The following PODXL variants were observed in gnomAD, a reference collection of about 807,000 sequenced individuals.
PODXL encodes podocalyxin.
In PODXL, 20 loss-of-function variants were observed where a neutral mutation model predicts 48.9. The ratio of observed to expected loss-of-function variants is 0.41; its 90% CI spans 0.29 to 0.59. The LOEUF (loss-of-function observed/expected upper bound fraction) is 0.59, where lower values mean the gene tolerates loss of function less well. Ranked by LOEUF, PODXL falls within the 20% of genes least tolerant of loss-of-function variation. PODXL has a pLI of 0.31. For synonymous variants in PODXL, 295 were observed against 287.4 expected, an observed-to-expected ratio of 1.03 and a Z score of -0.27; for missense variants, 606 against 675.1, an observed-to-expected ratio of 0.90 and a Z score of 1.13.
intron 1 of PODXL, among the ~76,000 whole-genome samples, chr7:131,541,056 G>A (rs1019581120): frequency 5.9e-5 from 9 of 152,208 alleles, no homozygotes; most frequent in South Asian, 4.1e-4. Flanking sequence ...AATAACACCT[G>A]TGTCCTTCTT....
intron 1 of PODXL, among the ~76,000 whole-genome samples, chr7:131,533,328 C>T (rs1798314390): frequency 6.6e-6 from 1 of 152,180 alleles, no homozygotes; most frequent in Non-Finnish European, 1.5e-5. Flanking sequence ...GTCGTCAGGC[C>T]TGCCTCTCAG....
intron 1 of PODXL, among the ~76,000 whole-genome samples, chr7:131,528,129 C>CA (rs1798216409): frequency 6.6e-6 from 1 of 152,084 alleles, no homozygotes; most frequent in Admixed American, 6.6e-5. Context: ...CTCCTGACCT[C>CA]AAGTGATCTA....
At position 131,506,589 on chromosome 7, in the gene PODXL, G is replaced by T; in HGVS notation, c.1239C>A (p.Ile413=). The change falls in exon 6 of 9, where the codon ATC becomes ATA. Residue 413 remains isoleucine, a synonymous_variant. Transcript: ENST00000378555. ...PGSQTVVVKE[I]TIHTKLPAKD... ...TTGCCCTCCACTCACTGTGAATAGTGATTTCTTTGACGACCACGGTCTGAC... is the reference window on the plus strand; with the variant it reads ...TTGCCCTCCACTCACTGTGAATAGTTATTTCTTTGACGACCACGGTCTGAC... 5.0e-6 allele frequency: 8 copies of T among 1,614,110 alleles called. No individual in the cohort carries two copies. The highest frequency in any genetic ancestry group is 5.9e-6 in the Non-Finnish European group (7 of 1,180,018).
At chr7:131,518,337 G>A (rs896626419) in intron 1 of PODXL, among the ~76,000 whole-genome samples, 1 of 152,124 alleles carries the variant, frequency 6.6e-6, no homozygotes, top group African/African-American at 2.4e-5. Flanking sequence ...ATAATGCGTT[G>A]GCTAATAAAA....
At chr7:131,547,374 CAAA>C (rs10683140) in intron 1 of PODXL, among the ~76,000 whole-genome samples, 4 of 68,966 alleles carry the variant, frequency 5.8e-5, no homozygotes, top group Admixed American at 4.3e-4. Context: ...AACTCCGTCT[CAAA>C]AAAAAAAAAA....
At chr7:131,547,141 G>A (rs1424341530) in intron 1 of PODXL, among the ~76,000 whole-genome samples, 3 of 152,060 alleles carry the variant, frequency 2.0e-5, no homozygotes, top group African/African-American at 7.2e-5. Context: ...TTGGGAGGCT[G>A]ATTAGGCGGA....
intron 1 of PODXL, among the ~76,000 whole-genome samples, chr7:131,554,209 G>C (rs1036571318): frequency 7.9e-5 from 12 of 152,298 alleles, no homozygotes; most frequent in Admixed American, 5.9e-4. Context: ...TGAGTCCCTA[G>C]AGGGTGGTGT....
intron 1 of PODXL, among the ~76,000 whole-genome samples, chr7:131,523,066 T>TA (rs1798114287): frequency 6.6e-6 from 1 of 152,220 alleles, no homozygotes; most frequent in Non-Finnish European, 1.5e-5. Flanking sequence ...TGCTAGGTCA[T>TA]ATGGTAACTC....
chr7:131,556,312 C>T lies in PODXL; in HGVS notation c.48G>A (p.Thr16=), dbSNP rs1194952052. 3.3e-6 allele frequency: 5 copies of T among 1,505,998 alleles called. No individual in the cohort carries two copies. The highest frequency in any genetic ancestry group is 1.4e-5 in the African/African-American group (1 of 69,512). The allele number at this position is 1,505,998 out of a possible 1,614,324, so 93.3% of individuals were successfully genotyped here. ...ACGGCGACGACGGCAGCAGCGGCGGCGTTGACAACAGTAGCAGCAGCGCCG... is the reference window on the plus strand; with the variant it reads ...ACGGCGACGACGGCAGCAGCGGCGGTGTTGACAACAGTAGCAGCAGCGCCG... ...ALSALLLLLS[T]PPLLPSSPSP... is the part of the protein sequence containing the mutation. Residue 16 remains threonine, a synonymous_variant, in exon 1 of 9, where the codon ACG becomes ACA. Coordinates refer to ENST00000378555, the MANE Select transcript of PODXL (RefSeq NM_001018111.3).
At position 131,528,175 on chromosome 7, in the gene PODXL, C is replaced by T. The variant is rs1026223966; in HGVS notation, c.101-16742G>A. On this transcript the variant is annotated intron_variant, in intron 1 of 8. Transcript: ENST00000378555. ...CCTCCCAAAGTGCTGGGATTTCAGG[C>T]GTGAGCCACCGCACCCAGCTAACAC... 5.3e-5 allele frequency among the ~76,000 whole-genome samples: 8 copies of T among 152,188 alleles called. No individual in the cohort carries two copies. The East Asian group carries it at 7.7e-4, about 15-fold the overall frequency.
At chr7:131,535,485 G>A (rs73157536) in intron 1 of PODXL, among the ~76,000 whole-genome samples, 5 of 152,258 alleles carry the variant, frequency 3.3e-5, no homozygotes, top group Non-Finnish European at 5.9e-5. Context: ...ACACCCTCTC[G>A]TGTGTGGAAT....
rs1008134736 is a variant in PODXL, at chr7:131,536,719, C to T, written c.100+19541G>A. 3.3e-5 allele frequency among the ~76,000 whole-genome samples: 5 copies of T among 152,292 alleles called. No homozygotes were observed. In the South Asian group the frequency reaches 1.0e-3, roughly 32 times the overall value. On this transcript the variant is annotated intron_variant, in intron 1 of 8. Transcript: ENST00000378555. The stretch of plus-strand genomic sequence containing the variant: ...GCCTGGTGTTTTCATCCTTCAGTGC[C>T]GCTGCCCCATGCTCACAGTAGGTTC...
intron 1 of PODXL, among the ~76,000 whole-genome samples, chr7:131,529,950 C>T (rs915583265): frequency 6.1e-5 from 2 of 32,660 alleles, no homozygotes; most frequent in Non-Finnish European, 2.0e-4. Context: ...GGGGTATAGG[C>T]GGGAGGGCTT....
Position 131,504,451 on chromosome 7 carries a change from G to T in PODXL, c.1537C>A (p.Leu513Met), listed in dbSNP as rs748861424. Reference protein sequence around the residue: ...VENGYHDNPTLEVMETSSEMQ... With the variant: ...VENGYHDNPTMEVMETSSEMQ... ...TCAGAAGAGGTCTCCATCACTTCCA[G>T]TGTTGGGTTGTCATGGTAACCATTC... is the stretch of plus-strand genomic sequence containing the variant. The change falls in exon 9 of 9, where the codon CTG becomes ATG. Residue 513 changes from leucine (L) to methionine (M), a missense_variant. Transcript: ENST00000378555. 4 of 1,614,200 alleles carry T rather than the reference G, an allele frequency of 2.5e-6. No homozygotes were observed. In the Admixed American group the frequency reaches 5.0e-5, roughly 20 times the overall value.
intron 1 of PODXL, among the ~76,000 whole-genome samples, chr7:131,536,677 T>C (rs563849052): frequency 6.6e-6 from 1 of 152,336 alleles, no homozygotes; most frequent in African/African-American, 2.4e-5. Context: ...GAGGCTCACC[T>C]GAACTGCCTG....
chr7:131,504,650 C>A, intron 8 of PODXL, 142 bp from the exon 9 acceptor site: 11 of 686,278 alleles, frequency 1.6e-5, no homozygotes, highest in Non-Finnish European at 1.5e-5. Flanking sequence ...GCTGGCTGCT[C>A]CTGGTGGTCA....
chr7:131,554,265 C>T (rs772113583), intron 1 of PODXL, among the ~76,000 whole-genome samples: 6 of 152,074 alleles, frequency 3.9e-5, no homozygotes, highest in Non-Finnish European at 8.8e-5. Flanking sequence ...CCGCAACATG[C>T]CCCCCACAAG....
chr7:131,548,646 A>C (rs1034043794), intron 1 of PODXL, among the ~76,000 whole-genome samples: 2 of 152,228 alleles, frequency 1.3e-5, no homozygotes, highest in African/African-American at 4.8e-5. Context: ...AGAGAGATAT[A>C]ACTGATGCCT....
At chr7:131,553,101 T>C (rs542594551) in intron 1 of PODXL, among the ~76,000 whole-genome samples, 1 of 152,262 alleles carries the variant, frequency 6.6e-6, no homozygotes, top group African/African-American at 2.4e-5. Context: ...TGGAATTTTC[T>C]CTCCAGTTCT....
Sources: gnomAD v4.1 joint callset for allele counts (sites outside exome capture counted in the v4.1 genomes callset) on GRCh38, gnomAD v4.1.1 for gene constraint, MANE v1.5 for transcripts, NCBI Gene and HGNC (gene_info 2026-07-23, HGNC 2026-07-21) for gene names.